Variants in SPAG16 observed in about 807,000 individuals in gnomAD.
The protein encoded by SPAG16 is sperm associated antigen 16, also known as sperm-associated antigen 16 protein.
SPAG16 carries 86 observed loss-of-function variants against 80.4 expected under a neutral mutation model. The observed-to-expected ratio is 1.07, with a 90% CI of 0.90 to 1.28. SPAG16 has a LOEUF of 1.28. Among genes scored for constraint, SPAG16 ranks in the 50% most tolerant of loss-of-function variants. The pLI is 0.00. For missense variants in SPAG16, 870 were observed against 765.3 expected (o/e 1.14, Z -1.61); for synonymous variants, 294 against 265.9 (o/e 1.11, Z -1.03).
At chr2:214,125,633 A>G (rs1455550973) in intron 14 of SPAG16, among the ~76,000 whole-genome samples, 2 of 151,890 alleles carry the variant, frequency 1.3e-5, no homozygotes, top group African/African-American at 4.8e-5. Flanking sequence ...CCACCCTGTA[A>G]TCTGTTTTTA....
chr2:213,881,331 T>G (rs1160494589), intron 11 of SPAG16, among the ~76,000 whole-genome samples: 2 of 152,234 alleles, frequency 1.3e-5, no homozygotes. Flanking sequence ...AAAACCTTAC[T>G]AAAGTTGTTT....
chr2:213,861,557 A>G (rs1185721352), intron 10 of SPAG16, among the ~76,000 whole-genome samples: 1 of 152,206 alleles, frequency 6.6e-6, no homozygotes, highest in African/African-American at 2.4e-5. Flanking sequence ...AGATGGCCAA[A>G]TTGAAATTGA....
At chr2:213,855,739 A>G (rs1433063719) in intron 10 of SPAG16, among the ~76,000 whole-genome samples, 1 of 152,094 alleles carries the variant, frequency 6.6e-6, no homozygotes, top group East Asian at 1.9e-4. Flanking sequence ...CCCATATGAA[A>G]CCATCAGATC....
At chr2:214,247,134 T>C (rs1366323554) in intron 15 of SPAG16, among the ~76,000 whole-genome samples, 2 of 152,182 alleles carry the variant, frequency 1.3e-5, no homozygotes, top group Non-Finnish European at 2.9e-5. Context: ...CTACTCTTTG[T>C]GGCTTTAATC....
At chr2:213,610,479 C>T (rs2061407676) in intron 10 of SPAG16, among the ~76,000 whole-genome samples, 1 of 152,156 alleles carries the variant, frequency 6.6e-6, no homozygotes, top group African/African-American at 2.4e-5. Flanking sequence ...GGCCAGACCT[C>T]CTGTTCTCCC....
At chr2:214,336,173 T>G (rs1422880895) in intron 15 of SPAG16, among the ~76,000 whole-genome samples, 1 of 152,232 alleles carries the variant, frequency 6.6e-6, no homozygotes, top group Non-Finnish European at 1.5e-5. Context: ...AAAGTGTAGT[T>G]GAAAACATTT....
In SPAG16 at chr2:214,179,525, TTC is replaced by T. The variant is rs1290573315; in HGVS notation, c.1720+30263_1720+30264del. ...TTGCTCCATGACGTCAAAAACACTT[TTC>T]TCTACAAAATGGTCTCTCCTGTCTT... On this transcript the variant is annotated intron_variant, in intron 15 of 15. Coordinates refer to ENST00000331683, the MANE Select transcript of SPAG16 (RefSeq NM_024532.5). Among the ~76,000 whole-genome samples the T allele has an allele frequency of 8.6e-5, 13 of 151,428 alleles. No individual in the cohort carries two copies. In the Admixed American group the frequency reaches 8.6e-4, roughly 10 times the overall value.
At chr2:214,316,144 GTT>G (rs11292950) in intron 15 of SPAG16, among the ~76,000 whole-genome samples, 10,316 of 145,076 alleles carry the variant, frequency 0.071, 788 homozygotes, top group African/African-American at 0.2. Flanking sequence ...TACTTTTTGG[GTT>G]TTTTTTTTTT....
intron 10 of SPAG16, among the ~76,000 whole-genome samples, chr2:213,737,449 G>A (rs1442724028): frequency 6.6e-6 from 1 of 150,564 alleles, no homozygotes; most frequent in Non-Finnish European, 1.5e-5. Flanking sequence ...ACATTTAACC[G>A]TTTAGTACCA....
chr2:213,308,610 T>G lies in SPAG16; in HGVS notation c.280-1449T>G, dbSNP rs1338025766. On this transcript the variant is annotated intron_variant, in intron 3 of 15. Transcript: ENST00000331683. ...CACTTATATAGGCAGAAACAGAAGT[T>G]AACAGGGTTGCAACATTTTCCATAC... Among the ~76,000 whole-genome samples, 3 of 152,294 alleles carry G rather than the reference T, an allele frequency of 2.0e-5. No homozygotes were observed. The East Asian group carries it at 5.8e-4, about 29-fold the overall frequency.
At chr2:213,302,471 G>T (rs1364443235) in intron 3 of SPAG16, 1 of 152,078 alleles carries the variant, frequency 6.6e-6, no homozygotes, top group African/African-American at 2.4e-5. Context: ...GAACCGTTCA[G>T]TTCCTCAAGA....
chr2:213,829,128 C>T lies in SPAG16; in HGVS notation c.1071-33357C>T, dbSNP rs140023115. On this transcript the variant is annotated intron_variant, in intron 10 of 15. Transcript: ENST00000331683. ...ATCCTTCCCTTAAGAGAAACAAGTT[C>T]TCCTGGGCTCTAACTGGGTCCAGAG... is the stretch of plus-strand genomic sequence containing the variant. Among the ~76,000 whole-genome samples the T allele has an allele frequency of 1.1e-4, 17 of 152,322 alleles. No individual in the cohort carries two copies. The East Asian group carries it at 3.1e-3, about 28-fold the overall frequency.
chr2:214,097,545 A>T (rs918474542), intron 13 of SPAG16, among the ~76,000 whole-genome samples: 2 of 151,960 alleles, frequency 1.3e-5, no homozygotes, highest in South Asian at 4.2e-4. Flanking sequence ...TCTCTCCATG[A>T]GTGTCCTTTT....
At chr2:213,599,796 G>A (rs2061000459) in intron 10 of SPAG16, among the ~76,000 whole-genome samples, 1 of 152,082 alleles carries the variant, frequency 6.6e-6, no homozygotes, top group Non-Finnish European at 1.5e-5. Context: ...CTGCCTCCTG[G>A]GTTCAAGCAA....
intron 11 of SPAG16, among the ~76,000 whole-genome samples, chr2:213,875,571 C>T (rs1169074667): frequency 2.0e-5 from 3 of 152,142 alleles, no homozygotes; most frequent in African/African-American, 7.2e-5. Context: ...CTTGCTCTCA[C>T]ACTGATTTAA....
intron 12 of SPAG16, among the ~76,000 whole-genome samples, chr2:213,976,109 G>GATAT (rs1553685173): frequency 0.013 from 1,580 of 121,430 alleles, 29 homozygotes; most frequent in African/African-American, 0.036. Context: ...CAGTGAGGGA[G>GATAT]ATATATATAT....
intron 10 of SPAG16, among the ~76,000 whole-genome samples, chr2:213,819,300 C>T (rs1348805822): frequency 2.0e-5 from 3 of 152,064 alleles, no homozygotes; most frequent in Non-Finnish European, 4.4e-5. Flanking sequence ...TGGAAAATGC[C>T]AACATGAAAA....
chr2:214,222,372 C>G (rs2058601257), intron 15 of SPAG16, among the ~76,000 whole-genome samples: 4 of 152,068 alleles, frequency 2.6e-5, no homozygotes, highest in Admixed American at 1.3e-4. Flanking sequence ...CCGCCTTGGC[C>G]TCCCAAAGTG....
chr2:213,417,724 G>T (rs563037886), intron 9 of SPAG16, among the ~76,000 whole-genome samples: 3 of 152,154 alleles, frequency 2.0e-5, no homozygotes, highest in African/African-American at 7.2e-5. Flanking sequence ...TGGTAATTAT[G>T]CATAATTTAG....
Sources: gnomAD v4.1 joint callset for allele counts (sites outside exome capture counted in the v4.1 genomes callset) on GRCh38, gnomAD v4.1.1 for gene constraint, MANE v1.5 for transcripts, NCBI Gene and HGNC (gene_info 2026-07-23, HGNC 2026-07-21) for gene names.